NPAS3: variants seen among roughly 807,000 people sequenced by gnomAD.
NPAS3 encodes neuronal PAS domain-containing protein 3.
Under a neutral mutation model 73.1 loss-of-function variants are expected in NPAS3, and 14 were observed. That is an observed-to-expected ratio of 0.19 (90% CI 0.13 to 0.30). The LOEUF (loss-of-function observed/expected upper bound fraction) is 0.30, where lower values mean the gene tolerates loss of function less well. Ranked by LOEUF, NPAS3 falls within the 10% of genes least tolerant of loss-of-function variation. NPAS3 has a pLI of 1.00. For synonymous variants in NPAS3, 620 were observed against 541.5 expected (o/e 1.14, Z -2.01); for missense variants, 1,096 against 1,250.0 (o/e 0.88, Z 1.86).
At chr14:33,004,409 A>G (rs1566455269) in intron 1 of NPAS3, among the ~76,000 whole-genome samples, 2 of 152,210 alleles carry the variant, frequency 1.3e-5, no homozygotes, top group Admixed American at 1.3e-4. Context: ...GTATTTGTGT[A>G]TCTAAACATA....
chr14:33,113,414 T>C (rs565530383), intron 2 of NPAS3, among the ~76,000 whole-genome samples: 164 of 152,326 alleles, frequency 1.1e-3, no homozygotes, highest in Admixed American at 3.0e-3. Context: ...CTAGGTATTT[T>C]ATTCTCTTTG....
At chr14:33,130,719 G>A (rs1374476715) in intron 2 of NPAS3, among the ~76,000 whole-genome samples, 1 of 152,126 alleles carries the variant, frequency 6.6e-6, no homozygotes, top group Non-Finnish European at 1.5e-5. Context: ...AAGTTTCTGA[G>A]TTGATGCCAT....
intron 2 of NPAS3, among the ~76,000 whole-genome samples, chr14:33,094,010 C>G (rs1311954070): frequency 6.6e-6 from 1 of 151,848 alleles, no homozygotes; most frequent in Non-Finnish European, 1.5e-5. Flanking sequence ...GGAGATATAC[C>G]TAATGTAAAT....
At chr14:33,588,072 T>TA (rs1172181449) in intron 5 of NPAS3, among the ~76,000 whole-genome samples, 2 of 152,222 alleles carry the variant, frequency 1.3e-5, no homozygotes, top group East Asian at 3.8e-4. Flanking sequence ...ATTACTGTTG[T>TA]AAAAATAAAG....
intron 3 of NPAS3, among the ~76,000 whole-genome samples, chr14:33,328,334 G>A (rs971636062): frequency 4.0e-5 from 6 of 148,368 alleles, no homozygotes; most frequent in Non-Finnish European, 9.0e-5. Context: ...TTGAGGTTAG[G>A]CTTATCTTCG....
chr14:33,009,152 C>T (rs184758028), intron 1 of NPAS3, among the ~76,000 whole-genome samples: 136 of 152,242 alleles, frequency 8.9e-4, no homozygotes, highest in Middle Eastern at 3.4e-3. Flanking sequence ...ACTATGGGCT[C>T]CTCACTGTAT....
Position 33,563,535 on chromosome 14 carries a change from C to CAGAGAGAGAGAGAGAG in NPAS3, c.558+3326_558+3327insGAGAGAGAGAGAGAGA, listed in dbSNP as rs1276549335. On this transcript the variant is annotated intron_variant, in intron 5 of 11. Transcript: ENST00000356141. Reference sequence around the variant, plus strand: ...ACATACATACACACACACACACACACACAGAGAGAGAGAGAGAGAGAGAGA... The same window carrying CAGAGAGAGAGAGAGAG: ...ACATACATACACACACACACACACACAGAGAGAGAGAGAGAGACAGAGAGAGAGAGAGAGAGAGAGA... Among the ~76,000 whole-genome samples, 12 of 108,070 alleles carry CAGAGAGAGAGAGAGAG rather than the reference C, an allele frequency of 1.1e-4. No individual in the cohort carries two copies. In the East Asian group the frequency reaches 2.4e-3, roughly 22 times the overall value. 70.9% of individuals were successfully genotyped at this position (108,070 alleles called of 152,430 possible).
intron 2 of NPAS3, among the ~76,000 whole-genome samples, chr14:33,098,754 G>A (rs968412402): frequency 1.3e-5 from 2 of 152,206 alleles, no homozygotes; most frequent in Non-Finnish European, 2.9e-5. Flanking sequence ...GTATACTCAA[G>A]TTGACTCTCA....
intron 2 of NPAS3, among the ~76,000 whole-genome samples, chr14:33,171,120 A>G (rs1316731625): frequency 6.6e-6 from 1 of 152,224 alleles, no homozygotes; most frequent in African/African-American, 2.4e-5. Context: ...GCATGAATAC[A>G]GTGTTAATCT....
Position 33,088,347 on chromosome 14 carries a change from C to T in NPAS3, c.140+32353C>T, listed in dbSNP as rs528666263. Among the ~76,000 whole-genome samples the T allele has an allele frequency of 1.4e-3, 213 of 152,276 alleles. 1 individual carries two copies. Among genetic ancestry groups the T allele is most frequent in the Non-Finnish European group, 2.1e-3 (141 of 68,032 alleles). ...TCGGGTCACTCCCACCATAATACTGCGCTTTTCCAATGGTCTTAGCAAACA... is the reference window on the plus strand; with the variant it reads ...TCGGGTCACTCCCACCATAATACTGTGCTTTTCCAATGGTCTTAGCAAACA... On this transcript the variant is annotated intron_variant, in intron 2 of 11. Transcript: ENST00000356141.
At chr14:33,099,663 A>G (rs1595447041) in intron 2 of NPAS3, among the ~76,000 whole-genome samples, 1 of 152,334 alleles carries the variant, frequency 6.6e-6, no homozygotes, top group Middle Eastern at 3.4e-3. Flanking sequence ...GTATAAAGTT[A>G]TATAAGTTGT....
intron 4 of NPAS3, among the ~76,000 whole-genome samples, chr14:33,426,914 A>G (rs1208814155): frequency 6.6e-6 from 1 of 152,116 alleles, no homozygotes; most frequent in East Asian, 1.9e-4. Context: ...GTAGGACTTT[A>G]TGCAGGAAAA....
chr14:33,382,328 T>C (rs1415958512), intron 4 of NPAS3, among the ~76,000 whole-genome samples: 4 of 152,180 alleles, frequency 2.6e-5, no homozygotes, highest in African/African-American at 9.7e-5. Flanking sequence ...AAAAAGAGAT[T>C]ATATTATTTC....
chr14:32,962,559 TTTTTC>T (rs1436626742), intron 1 of NPAS3, among the ~76,000 whole-genome samples: 5 of 145,044 alleles, frequency 3.4e-5, no homozygotes, highest in African/African-American at 1.3e-4. Context: ...CTTTCTTTCT[TTTTTC>T]TTTTCTTTTT....
chr14:33,790,111 T>A (rs1294090690), intron 9 of NPAS3, among the ~76,000 whole-genome samples: 1 of 152,224 alleles, frequency 6.6e-6, no homozygotes, highest in African/African-American at 2.4e-5. Flanking sequence ...CCTCTCCCTC[T>A]GTTCCTTTCC....
chr14:33,681,692 A>G (rs1220666730), intron 6 of NPAS3, among the ~76,000 whole-genome samples: 1 of 152,208 alleles, frequency 6.6e-6, no homozygotes, highest in East Asian at 1.9e-4. Flanking sequence ...GAGTCATTTT[A>G]TGGTGAGATA....
At chr14:33,630,860 A>G (rs1381882440) in intron 5 of NPAS3, among the ~76,000 whole-genome samples, 1 of 152,248 alleles carries the variant, frequency 6.6e-6, no homozygotes, top group Admixed American at 6.5e-5. Context: ...GATCAGCTCT[A>G]CTGAGAAAAT....
rs115032014 is a variant in NPAS3, at chr14:33,546,917, G to T, written c.469-13204G>T. Among the ~76,000 whole-genome samples, 269 of 152,252 alleles carry T rather than the reference G, an allele frequency of 1.8e-3. 2 individuals are homozygous for T. Among genetic ancestry groups the T allele is most frequent in the African/African-American group, 6.3e-3 (262 of 41,550 alleles). On this transcript the variant is annotated intron_variant, in intron 4 of 11. Transcript: ENST00000356141. The stretch of plus-strand genomic sequence containing the variant: ...CCTGCCTTGTGGGTCATGTCTGTGT[G>T]CTGTTTAGGAAAAGGCAAAATAATA...
rs1280544767 is a variant in NPAS3 at position 33,024,597 on chromosome 14, G to T, written c.51-31308G>T. On this transcript the variant is annotated intron_variant, in intron 1 of 11. Transcript: ENST00000356141. ...AAATCATGTTCTTGAGTACTGTGGGGTTGAGGGAAATGCTTACCGTATAAT... is the reference window on the plus strand; with the variant it reads ...AAATCATGTTCTTGAGTACTGTGGGTTTGAGGGAAATGCTTACCGTATAAT... 4.6e-5 allele frequency among the ~76,000 whole-genome samples: 7 copies of T among 152,310 alleles called. No individual in the cohort carries two copies. In the South Asian group the frequency reaches 6.2e-4, roughly 14 times the overall value.
Sources: allele counts gnomAD v4.1 joint callset (sites outside exome capture counted in the v4.1 genomes callset), GRCh38; gene constraint gnomAD v4.1.1; transcripts MANE v1.5; gene names NCBI Gene and HGNC (gene_info 2026-07-23, HGNC 2026-07-21).